AFF3: variants seen among roughly 807,000 people sequenced by gnomAD.
AFF3 encodes ALF transcription elongation factor 3.
Under a neutral mutation model 129.7 loss-of-function variants are expected in AFF3, and 32 were observed. The ratio of observed to expected loss-of-function variants is 0.25; its 90% CI spans 0.19 to 0.33. The LOEUF is 0.33. Among genes scored for constraint, AFF3 ranks in the 10% least tolerant of loss-of-function variants. AFF3 has a pLI of 1.00. For synonymous variants in AFF3, 644 were observed against 635.4 expected, an observed-to-expected ratio of 1.01 and a Z score of -0.20; for missense variants, 1,373 against 1,592.0, an observed-to-expected ratio of 0.86 and a Z score of 2.34.
At chr2:99,768,169 T>A (rs1683175506) in intron 8 of AFF3, among the ~76,000 whole-genome samples, 1 of 152,224 alleles carries the variant, frequency 6.6e-6, no homozygotes. Context: ...GAAAAAGTAT[T>A]TATTGAAAAA....
intron 11 of AFF3, among the ~76,000 whole-genome samples, chr2:99,716,229 C>G (rs1033151897): frequency 6.6e-6 from 1 of 152,170 alleles, no homozygotes; most frequent in South Asian, 2.1e-4. Context: ...AACAGTCTAG[C>G]AGGATGTTGA....
At chr2:99,843,013 C>T (rs1260287572) in intron 7 of AFF3, among the ~76,000 whole-genome samples, 7 of 152,202 alleles carry the variant, frequency 4.6e-5, no homozygotes, top group Non-Finnish European at 7.3e-5. Flanking sequence ...TCAAAAGACC[C>T]TCAAGCATTT....
At chr2:99,947,073 T>C (rs559869874) in intron 7 of AFF3, among the ~76,000 whole-genome samples, 3 of 152,302 alleles carry the variant, frequency 2.0e-5, no homozygotes, top group African/African-American at 7.2e-5. Context: ...TGTCCAAAGC[T>C]CTGTATTAAG....
At chr2:99,616,753 CA>C (rs967512095) in intron 13 of AFF3, among the ~76,000 whole-genome samples, 7 of 150,598 alleles carry the variant, frequency 4.6e-5, no homozygotes, top group Admixed American at 2.0e-4. Context: ...GAGACTGTCT[CA>C]AAAAAAAAGA....
intron 8 of AFF3, among the ~76,000 whole-genome samples, chr2:99,800,486 T>C (rs1482441420): frequency 2.0e-5 from 3 of 152,216 alleles, no homozygotes; most frequent in Admixed American, 2.0e-4. Flanking sequence ...TATAAGCACT[T>C]TGGAGAACAG....
At chr2:99,975,714 C>T (rs987373212) in intron 7 of AFF3, among the ~76,000 whole-genome samples, 2 of 149,566 alleles carry the variant, frequency 1.3e-5, no homozygotes, top group Non-Finnish European at 3.0e-5. Context: ...GTGGACACAG[C>T]CCTTTTTGCC....
chr2:100,036,457 T>C (rs1193582353), intron 4 of AFF3, among the ~76,000 whole-genome samples: 2 of 152,140 alleles, frequency 1.3e-5, no homozygotes, highest in Non-Finnish European at 2.9e-5. Flanking sequence ...ATTTTATTCC[T>C]ACCTTGCATT....
At chr2:99,576,662 A>G (rs1677028963) in intron 18 of AFF3, among the ~76,000 whole-genome samples, 1 of 152,054 alleles carries the variant, frequency 6.6e-6, no homozygotes, top group African/African-American at 2.4e-5. Context: ...TTTTGTGTGT[A>G]TATACCATGC....
At chr2:99,568,963 G>A (rs537251306) in intron 18 of AFF3, 48 bp from the exon 19 acceptor site, 16 of 1,528,340 alleles carry the variant, frequency 1.0e-5, no homozygotes, top group East Asian at 4.5e-5. Context: ...TAAGTGCAAC[G>A]TCTTTTTAAA....
intron 8 of AFF3, among the ~76,000 whole-genome samples, chr2:99,799,022 G>T (rs900389714): frequency 2.8e-4 from 42 of 151,952 alleles, no homozygotes; most frequent in African/African-American, 9.9e-4. Context: ...TCACAAAGTT[G>T]CAGGATACAA....
chr2:99,752,344 G>A (rs777842859), intron 8 of AFF3, 43 bp from the exon 9 acceptor site: 1 of 1,535,640 alleles, frequency 6.5e-7, no homozygotes, highest in South Asian at 1.1e-5. Context: ...GATACAGACA[G>A]TATTTAAAAT....
chr2:99,685,175 A>C (rs1674932672), intron 11 of AFF3, among the ~76,000 whole-genome samples: 1 of 151,148 alleles, frequency 6.6e-6, no homozygotes, highest in African/African-American at 2.4e-5. Flanking sequence ...TACTGACCTC[A>C]AGTGATCTGC....
At chr2:99,972,794 A>G (rs1435945005) in intron 7 of AFF3, among the ~76,000 whole-genome samples, 1 of 152,186 alleles carries the variant, frequency 6.6e-6, no homozygotes, top group Non-Finnish European at 1.5e-5. Context: ...CAAGGAAGGA[A>G]CAGGAAGGAG....
In AFF3 at chr2:99,593,357, G is replaced by T; in HGVS notation, c.2304C>A (p.Val768=). The change falls in exon 15 of 25, where the codon GTC becomes GTA. Residue 768 remains valine (V), a synonymous_variant. Coordinates refer to ENST00000672756, the MANE Select transcript of AFF3 (RefSeq NM_001386135.1). The part of the protein sequence containing the change: ...KDSDEIRSLW[V]KIDLTLLSRI... ...TGGACAGGAGGGTCAGGTCGATTTT[G>T]ACCCAGAGAGACCTGATCTCATCAC... 2.5e-6 allele frequency: 4 copies of T among 1,614,044 alleles called. No homozygotes were observed. The highest frequency in any genetic ancestry group is 2.2e-5 in the South Asian group (2 of 91,062).
chr2:99,627,992 A>T (rs2105362342), intron 13 of AFF3, among the ~76,000 whole-genome samples: 1 of 152,276 alleles, frequency 6.6e-6, no homozygotes, highest in South Asian at 2.1e-4. Flanking sequence ...GAAGTTGGGT[A>T]GTACGATGCC....
intron 7 of AFF3, among the ~76,000 whole-genome samples, chr2:99,982,751 A>C (rs959745424): frequency 1.8e-4 from 28 of 152,222 alleles, no homozygotes; most frequent in African/African-American, 6.8e-4. Context: ...GGAGTTTTTA[A>C]CTCATAATGA....
At chr2:99,991,655 C>T (rs1367285147) in intron 7 of AFF3, among the ~76,000 whole-genome samples, 1 of 152,138 alleles carries the variant, frequency 6.6e-6, no homozygotes, top group African/African-American at 2.4e-5. Context: ...GTAATCTCAG[C>T]ACTTTGGGAG....
intron 7 of AFF3, among the ~76,000 whole-genome samples, chr2:99,907,901 C>A (rs1694831549): frequency 6.6e-6 from 1 of 152,174 alleles, no homozygotes; most frequent in South Asian, 2.1e-4. Flanking sequence ...TGATTCTCCC[C>A]TTCCAAGCAA....
chr2:100,055,262 G>A (rs1159037897), intron 4 of AFF3, among the ~76,000 whole-genome samples: 2 of 151,790 alleles, frequency 1.3e-5, no homozygotes, highest in African/African-American at 4.8e-5. Flanking sequence ...CAGAATTTTT[G>A]CAGTTCTTAC....
Sources: allele counts gnomAD v4.1 joint callset (sites outside exome capture counted in the v4.1 genomes callset), GRCh38; gene constraint gnomAD v4.1.1; transcripts MANE v1.5; gene names NCBI Gene and HGNC (gene_info 2026-07-23, HGNC 2026-07-21).